MAP7: variants seen among roughly 807,000 people sequenced by gnomAD.
MAP7 encodes the protein ensconsin.
MAP7 carries 52 observed loss-of-function variants against 94.8 expected under a neutral mutation model. The observed-to-expected ratio is 0.55, with a 90% CI of 0.44 to 0.69. MAP7 has a LOEUF of 0.69. Among genes scored for constraint, MAP7 ranks in the 30% least tolerant of loss-of-function variants. The pLI is 0.00. For synonymous variants in MAP7, 350 were observed against 357.0 expected (o/e 0.98, Z 0.22); for missense variants, 940 against 964.6 (o/e 0.97, Z 0.34).
intron 1 of MAP7, among the ~76,000 whole-genome samples, chr6:136,500,085 T>C (rs1288547956): frequency 6.6e-6 from 1 of 151,214 alleles, no homozygotes; most frequent in African/African-American, 2.5e-5. Context: ...TTCCTAGTTG[T>C]GTGATTCTGA....
chr6:136,475,802 A>T (rs1810687377), intron 1 of MAP7: 1 of 152,152 alleles, frequency 6.6e-6, no homozygotes, highest in Non-Finnish European at 1.5e-5. Flanking sequence ...AATGGAGAAG[A>T]GAGAACATGA....
chr6:136,525,683 G>C, intron 1 of MAP7: 1 of 724,244 alleles, frequency 1.4e-6, no homozygotes, highest in Non-Finnish European at 2.2e-6. Context: ...CCCTACAGAG[G>C]GTATAAACAC....
Position 136,372,490 on chromosome 6 carries a change from C to T in MAP7, c.876+11G>A, listed in dbSNP as rs748695167. 1.9e-6 allele frequency: 3 copies of T among 1,613,776 alleles called. No homozygotes were observed. Among genetic ancestry groups the T allele is most frequent in the Non-Finnish European group, 2.5e-6 (3 of 1,179,948 alleles). Reference sequence around the variant, plus strand: ...CCCAGACTTGCCCAGCTGCTCCCAACAGCTACTCACCGCTGTGCCATGAAT... The same window carrying T: ...CCCAGACTTGCCCAGCTGCTCCCAATAGCTACTCACCGCTGTGCCATGAAT... On this transcript the variant is annotated intron_variant, in intron 8 of 17. Transcript: ENST00000354570.
intron 1 of MAP7, among the ~76,000 whole-genome samples, chr6:136,546,881 TA>T (rs1562498079): frequency 2.0e-5 from 3 of 152,184 alleles, no homozygotes; most frequent in South Asian, 2.1e-4. Context: ...ATAAACTGTG[TA>T]AAAATATTTC....
chr6:136,428,383 G>T (rs1215325471), intron 1 of MAP7, among the ~76,000 whole-genome samples: 1 of 152,080 alleles, frequency 6.6e-6, no homozygotes, highest in Non-Finnish European at 1.5e-5. Context: ...AGGCGTGGTG[G>T]TGCACGCCTG....
chr6:136,372,795 T>C, intron 7 of MAP7, 170 bp from the exon 8 acceptor site: 1 of 723,466 alleles, frequency 1.4e-6, no homozygotes, highest in Non-Finnish European at 2.3e-6. Flanking sequence ...CCCAGAACCA[T>C]CATACTCAAC....
At position 136,547,130 on chromosome 6, in the gene MAP7, C is replaced by T. The variant is rs572752875; in HGVS notation, c.67+3212G>A. Among the ~76,000 whole-genome samples, 615 of 152,272 alleles carry T rather than the reference C, an allele frequency of 4.0e-3. 4 individuals are homozygous for T. Among genetic ancestry groups the T allele is most frequent in the Non-Finnish European group, 6.7e-3 (457 of 68,028 alleles). ...AATGTGGACCCTTAGAGTTAAGTGA[C>T]ACCTACAAGATCACTTTTTGATTTG... On this transcript the variant is annotated intron_variant, in intron 1 of 17. Coordinates refer to ENST00000354570, the MANE Select transcript of MAP7 (RefSeq NM_003980.6).
intron 1 of MAP7, among the ~76,000 whole-genome samples, chr6:136,493,798 G>A (rs1817428232): frequency 6.6e-6 from 1 of 152,052 alleles, no homozygotes; most frequent in Non-Finnish European, 1.5e-5. Flanking sequence ...CTTCCCATCT[G>A]CAGTTTTATC....
chr6:136,505,299 A>ATATATG (rs1445798205), intron 1 of MAP7, among the ~76,000 whole-genome samples: 1 of 136,596 alleles, frequency 7.3e-6, no homozygotes, highest in Non-Finnish European at 1.6e-5. Flanking sequence ...ATATATATAT[A>ATATATG]TATATATATA....
At chr6:136,401,181 C>T (rs942786750) in intron 3 of MAP7, among the ~76,000 whole-genome samples, 3 of 152,148 alleles carry the variant, frequency 2.0e-5, no homozygotes, top group Non-Finnish European at 2.9e-5. Context: ...AGACCCCCAT[C>T]TCCACAAAAA....
chr6:136,361,149 C>G lies in MAP7; in HGVS notation c.1557G>C (p.Val519=), dbSNP rs1792637123. 6.2e-7 allele frequency: 1 copy of G among 1,604,578 alleles called. No individual in the cohort carries two copies. Among genetic ancestry groups the G allele is most frequent in the East Asian group, 2.2e-5 (1 of 44,890 alleles). Residue 519 remains valine (V), a synonymous_variant, in exon 12 of 18, where the codon GTG becomes GTC. Transcript: ENST00000354570. ...CACGGCGAGTCGTCCTCTCTTCAGC[C>G]ACACGTTGAGCCAATTCCTCTCTCT... ...RQKREELAQR[V]AEERTTRREE... is the part of the protein sequence containing the mutation.
chr6:136,365,095 G>T (rs1239153282), intron 10 of MAP7: 5 of 152,214 alleles, frequency 3.3e-5, no homozygotes, highest in Admixed American at 6.5e-5. Context: ...ACGTGTTTGT[G>T]GCTCTATCAA....
intron 1 of MAP7, among the ~76,000 whole-genome samples, chr6:136,476,582 A>G (rs1258164954): frequency 6.6e-6 from 1 of 152,228 alleles, no homozygotes; most frequent in African/African-American, 2.4e-5. Flanking sequence ...AAGTTGGAAT[A>G]GAGGATATAA....
intron 16 of MAP7, among the ~76,000 whole-genome samples, chr6:136,346,515 T>C (rs959111067): frequency 6.6e-6 from 1 of 152,212 alleles, no homozygotes; most frequent in African/African-American, 2.4e-5. Flanking sequence ...TGAGCTATGA[T>C]GGCACCACTG....
chr6:136,547,378 A>G (rs1235670767), intron 1 of MAP7, among the ~76,000 whole-genome samples: 1 of 152,198 alleles, frequency 6.6e-6, no homozygotes, highest in East Asian at 1.9e-4. Context: ...GGTTTTTAAA[A>G]CAGGCTATCA....
At chr6:136,344,660 A>C (rs1787200554) in intron 17 of MAP7, among the ~76,000 whole-genome samples, 1 of 152,234 alleles carries the variant, frequency 6.6e-6, no homozygotes, top group Non-Finnish European at 1.5e-5. Flanking sequence ...TGCACTGGGC[A>C]TGTTTCCATC....
chr6:136,357,027 A>G (rs1385428030), intron 15 of MAP7, among the ~76,000 whole-genome samples: 1 of 152,210 alleles, frequency 6.6e-6, no homozygotes, highest in Non-Finnish European at 1.5e-5. Context: ...AAGGACTTAG[A>G]ACAGTGTTTG....
rs547612662 is a variant in MAP7, at chr6:136,351,044, G to A, written c.2016-4965C>T. On this transcript the variant is annotated intron_variant, in intron 16 of 17. Coordinates refer to ENST00000354570, the MANE Select transcript of MAP7 (RefSeq NM_003980.6). ...CTTGGAAATGCAAGTCATAAAAATA[G>A]CCCCTCGAGAAAACAGGGAAAATCA... is the stretch of plus-strand genomic sequence containing the variant. Among the ~76,000 whole-genome samples, 7 of 152,190 alleles carry A rather than the reference G, an allele frequency of 4.6e-5. No individual in the cohort carries two copies. The South Asian group carries it at 1.0e-3, about 23-fold the overall frequency.
intron 2 of MAP7, 122 bp from the exon 3 acceptor site, chr6:136,411,819 A>G (rs1412382561): frequency 1.4e-6 from 1 of 737,776 alleles, no homozygotes; most frequent in Non-Finnish European, 2.2e-6. Context: ...TGCACTTTAC[A>G]ACAATAAGTA....
Sources: gnomAD v4.1 joint callset for allele counts (sites outside exome capture counted in the v4.1 genomes callset) on GRCh38, gnomAD v4.1.1 for gene constraint, MANE v1.5 for transcripts, NCBI Gene and HGNC (gene_info 2026-07-23, HGNC 2026-07-21) for gene names.